Variants in MRPS23 observed in about 807,000 individuals in gnomAD.
MRPS23 encodes the protein mitochondrial ribosomal protein S23, also known as small ribosomal subunit protein mS23.
A neutral mutation model predicts 19.8 loss-of-function variants in MRPS23; 14 were observed. That is an observed-to-expected ratio of 0.71 (90% confidence interval 0.47 to 1.11). The LOEUF is 1.11. Among genes scored for constraint, MRPS23 ranks in the 50% least tolerant of loss-of-function variants. MRPS23 has a pLI of 0.00. For missense variants in MRPS23, 242 were observed against 236.7 expected (o/e 1.02, Z -0.15); for synonymous variants, 113 against 89.7 (o/e 1.26, Z -1.47).
At chr17:57,844,775 C>CAA (rs570457265) in intron 2 of MRPS23, among the ~76,000 whole-genome samples, 3 of 99,022 alleles carry the variant, frequency 3.0e-5, no homozygotes, top group South Asian at 3.3e-4. Context: ...GACTCCATCT[C>CAA]AAAAAAAAAA....
At chr17:57,843,710 C>T (rs2073754835) in intron 2 of MRPS23, among the ~76,000 whole-genome samples, 1 of 152,198 alleles carries the variant, frequency 6.6e-6, no homozygotes, top group Non-Finnish European at 1.5e-5. Context: ...CCTGCTGGCA[C>T]CCTGATCTCA....
chr17:57,847,885 C>T (rs796585432), intron 2 of MRPS23, among the ~76,000 whole-genome samples: 1 of 151,792 alleles, frequency 6.6e-6, no homozygotes, highest in Non-Finnish European at 1.5e-5. Flanking sequence ...TTAGTCAAGA[C>T]AGGGTTTCAC....
rs35485204 is a variant in MRPS23, at chr17:57,840,386, C to CA, written c.421-452dup. 9.5e-4 allele frequency among the ~76,000 whole-genome samples: 122 copies of CA among 128,566 alleles called. 1 individual carries two copies. The highest frequency in any genetic ancestry group is 2.1e-3 in the African/African-American group (72 of 34,800). The allele number at this position is 128,566 out of a possible 152,430, so 84.3% of individuals were successfully genotyped here. ...TGGGTGACAGAGCGAGACTCCGTCT[C>CA]AAAAAAAAAAAAAAAAGTCTATAGA... On this transcript the variant is annotated intron_variant, in intron 4 of 4. Transcript: ENST00000313608.
chr17:57,839,781 C>T lies in MRPS23; in HGVS notation c.*2G>A, dbSNP rs2073728932. ...TGCCAGCATACACAGTATACAGGTC[C>T]TTCAGGGAGGCAAGAGACCTTTCGA... is the stretch of plus-strand genomic sequence containing the variant. On this transcript the variant is annotated 3_prime_UTR_variant, in exon 5 of 5. Transcript: ENST00000313608. 9.9e-6 allele frequency: 16 copies of T among 1,613,860 alleles called. No individual in the cohort carries two copies. Among genetic ancestry groups the T allele is most frequent in the Non-Finnish European group, 1.4e-5 (16 of 1,179,878 alleles).
At chr17:57,849,053 G>A in intron 2 of MRPS23, 187 bp downstream of exon 2, 1 of 693,798 alleles carries the variant, frequency 1.4e-6, no homozygotes, top group South Asian at 2.1e-5. Context: ...CTGGGCTCCA[G>A]ATTCCACTTT....
In MRPS23 at chr17:57,838,016, T is replaced by C. The variant is rs1473212418; in HGVS notation, c.*1767A>G. On this transcript the variant is annotated 3_prime_UTR_variant, in exon 5 of 5. Transcript: ENST00000313608. ...AAAAAAAAAAAATTAAGGCCAGGCA[T>C]GGTGGCTAACACCCGTAATCCCAGC... 1 of 149,982 alleles carries C rather than the reference T, an allele frequency of 6.7e-6. No homozygotes were observed. The highest frequency in any genetic ancestry group is 2.5e-5 in the African/African-American group (1 of 40,746). The allele number at this position is 149,982 out of a possible 1,614,324, so 9.3% of individuals were successfully genotyped here. A position where few individuals can be genotyped will look rare whatever the true frequency, so the allele number is the denominator to read the frequency against.
At chr17:57,848,095 C>CT (rs201538462) in intron 2 of MRPS23, among the ~76,000 whole-genome samples, 2 of 151,204 alleles carry the variant, frequency 1.3e-5, no homozygotes, top group Admixed American at 6.6e-5. Context: ...AAGACAACTA[C>CT]TTTTTTTTTG....
intron 2 of MRPS23, 140 bp from the exon 3 acceptor site, chr17:57,841,400 G>GC: frequency 1.2e-6 from 1 of 804,780 alleles, no homozygotes; most frequent in East Asian, 2.7e-5. Context: ...GAACAGTTTT[G>GC]TTTTTTTAGA....
In MRPS23 at chr17:57,840,070, T is replaced by A. The variant is rs772496487; in HGVS notation, c.421-135A>T. 7 of 1,025,408 alleles carry A rather than the reference T, an allele frequency of 6.8e-6. No homozygotes were observed. The South Asian group carries it at 8.1e-5, about 12-fold the overall frequency. The allele number at this position is 1,025,408 out of a possible 1,614,324, so 63.5% of individuals were successfully genotyped here. On this transcript the variant is annotated intron_variant, in intron 4 of 4. Coordinates refer to ENST00000313608, the MANE Select transcript of MRPS23 (RefSeq NM_016070.4). Reference sequence around the variant, plus strand: ...TAATATCTTAGATCCAATTCTACTATAACAAATAGTAAACATGATTTTAAA... The same window carrying A: ...TAATATCTTAGATCCAATTCTACTAAAACAAATAGTAAACATGATTTTAAA...
chr17:57,849,869 C>T, intron 1 of MRPS23, 98 bp downstream of exon 1: 2 of 1,423,844 alleles, frequency 1.4e-6, no homozygotes, highest in East Asian at 2.5e-5. Flanking sequence ...TGCAATACGC[C>T]TCGCCCTGCT....
At chr17:57,849,792 T>C in intron 1 of MRPS23, 175 bp downstream of exon 1, 3 of 748,164 alleles carry the variant, frequency 4.0e-6, no homozygotes, top group Non-Finnish European at 6.3e-6. Flanking sequence ...AGAGGCATCC[T>C]CAGGCACAAC....
chr17:57,840,892 A>C, intron 4 of MRPS23, 34 bp downstream of exon 4: 1 of 1,611,340 alleles, frequency 6.2e-7, no homozygotes, highest in Non-Finnish European at 8.5e-7. Context: ...GACAACTATA[A>C]ACCCAGTAAC....
rs1225662571 is a variant in MRPS23, at chr17:57,838,100, G to C, written c.*1683C>G. The stretch of plus-strand genomic sequence containing the variant: ...GGCCAGCAGTTTGAGATCAGCCTGG[G>C]CAACATGGTTAAAAGCCCGTTTCTA... On this transcript the variant is annotated 3_prime_UTR_variant, in exon 5 of 5. Coordinates refer to ENST00000313608, the MANE Select transcript of MRPS23 (RefSeq NM_016070.4). The C allele has an allele frequency of 6.6e-6, 1 of 151,758 alleles. No homozygotes were observed. The highest frequency in any genetic ancestry group is 1.5e-5 in the Non-Finnish European group (1 of 67,950). 9.4% of individuals were successfully genotyped at this position (151,758 alleles called of 1,614,324 possible).
At position 57,839,310 on chromosome 17, in the gene MRPS23, A is replaced by T. The variant is rs117654868; in HGVS notation, c.*473T>A. Reference sequence around the variant, plus strand: ...TCAGCTTGGCCTCTCAAGTGGAGAGATAATCGTTCTATAGCAAGAAGTACA... The same window carrying T: ...TCAGCTTGGCCTCTCAAGTGGAGAGTTAATCGTTCTATAGCAAGAAGTACA... On this transcript the variant is annotated 3_prime_UTR_variant, in exon 5 of 5. Coordinates refer to ENST00000313608, the MANE Select transcript of MRPS23 (RefSeq NM_016070.4). 51 of 153,502 alleles carry T rather than the reference A, an allele frequency of 3.3e-4. No individual in the cohort carries two copies. The highest frequency in any genetic ancestry group is 6.7e-4 in the Non-Finnish European group (46 of 68,782). 9.5% of individuals were successfully genotyped at this position (153,502 alleles called of 1,614,324 possible). A position where few individuals can be genotyped will look rare whatever the true frequency, so the allele number is the denominator to read the frequency against.
At chr17:57,845,679 T>C (rs1228287805) in intron 2 of MRPS23, among the ~76,000 whole-genome samples, 2 of 152,192 alleles carry the variant, frequency 1.3e-5, no homozygotes, top group African/African-American at 4.8e-5. Flanking sequence ...GTTCCTGAAA[T>C]TGTTTCAGAA....
intron 2 of MRPS23, among the ~76,000 whole-genome samples, chr17:57,846,148 TGGGA>T (rs1463364429): frequency 6.9e-6 from 1 of 144,168 alleles, no homozygotes; most frequent in Non-Finnish European, 1.6e-5. Context: ...CCGCCCCGTC[TGGGA>T]GGGAGGTAGG....
rs1215606040 is a variant in MRPS23, at chr17:57,839,454, A to C, written c.*329T>G. On this transcript the variant is annotated 3_prime_UTR_variant, in exon 5 of 5. Transcript: ENST00000313608. Reference sequence around the variant, plus strand: ...TCAGATGTAGCCAGCCCACATACTAACAAACATCAAAGCAAGCCTAGTCAG... The same window carrying C: ...TCAGATGTAGCCAGCCCACATACTACCAAACATCAAAGCAAGCCTAGTCAG... 8 of 185,228 alleles carry C rather than the reference A, an allele frequency of 4.3e-5. No homozygotes were observed. Among genetic ancestry groups the C allele is most frequent in the Non-Finnish European group, 7.9e-5 (7 of 88,498 alleles). 11.5% of individuals were successfully genotyped at this position (185,228 alleles called of 1,614,324 possible).
At chr17:57,842,833 G>C (rs569317244) in intron 2 of MRPS23, among the ~76,000 whole-genome samples, 1 of 146,708 alleles carries the variant, frequency 6.8e-6, no homozygotes, top group African/African-American at 2.5e-5. Context: ...CACCAGCTTG[G>C]GCAACATGGT....
intron 1 of MRPS23, 30 bp from the exon 2 acceptor site, chr17:57,849,440 C>A: frequency 6.2e-7 from 1 of 1,607,456 alleles, no homozygotes; most frequent in Non-Finnish European, 8.5e-7. Context: ...GAAACTGGGT[C>A]ACTTGCAGTA....
Sources: allele counts gnomAD v4.1 joint callset (sites outside exome capture counted in the v4.1 genomes callset), GRCh38; gene constraint gnomAD v4.1.1; transcripts MANE v1.5; gene names NCBI Gene and HGNC (gene_info 2026-07-23, HGNC 2026-07-21).